Variants in KLHL13 observed in about 807,000 individuals in gnomAD.
The protein encoded by KLHL13 is kelch-like protein 13.
A neutral mutation model predicts 37.1 loss-of-function variants in KLHL13; 10 were observed. The observed-to-expected ratio is 0.27, with a 90% CI of 0.17 to 0.46. KLHL13 has a LOEUF of 0.46. Among genes scored for constraint, KLHL13 ranks in the 20% least tolerant of loss-of-function variants. The pLI is 1.00. For missense variants in KLHL13, 360 were observed against 509.3 expected, an observed-to-expected ratio of 0.71 and a Z score of 2.82; for synonymous variants, 163 against 181.2, an observed-to-expected ratio of 0.90 and a Z score of 0.81.
chrX:117,911,300 C>T (rs6645987), intron 4 of KLHL13, among the ~76,000 whole-genome samples: 18,381 of 111,202 alleles, frequency 0.17, 2,075 homozygotes, highest in African/African-American at 0.41. Context: ...AAAACTGAAA[C>T]AAAGCTAAAA....
At chrX:118,018,428 T>C (rs939294343) in intron 1 of KLHL13, among the ~76,000 whole-genome samples, 4 of 111,760 alleles carry the variant, frequency 3.6e-5, no homozygotes, top group Non-Finnish European at 7.5e-5. Flanking sequence ...CAAATATAGA[T>C]TTTTTACTAG....
intron 1 of KLHL13, among the ~76,000 whole-genome samples, chrX:118,097,915 T>C (rs1405092831): frequency 9.0e-6 from 1 of 111,604 alleles, no homozygotes; most frequent in Non-Finnish European, 1.9e-5. Flanking sequence ...TTACACCTTA[T>C]ACAAAAATTA....
At chrX:117,907,600 T>A (rs1930635611) in intron 5 of KLHL13, among the ~76,000 whole-genome samples, 1 of 111,702 alleles carries the variant, frequency 9.0e-6, no homozygotes, top group Non-Finnish European at 1.9e-5. Context: ...AATAGTATAA[T>A]AACATGAAAA....
At chrX:118,076,081 A>G (rs1381114073) in intron 1 of KLHL13, among the ~76,000 whole-genome samples, 2 of 111,766 alleles carry the variant, frequency 1.8e-5, no homozygotes, top group Non-Finnish European at 3.8e-5. Context: ...TAGAAATTTC[A>G]GCATTAGTGA....
intron 1 of KLHL13, among the ~76,000 whole-genome samples, chrX:118,057,954 CCAAA>C (rs752164170): frequency 2.7e-5 from 3 of 111,474 alleles, no homozygotes; most frequent in Non-Finnish European, 3.8e-5. Flanking sequence ...TCCTTTAGGC[CCAAA>C]CAGTCATCTT....
At chrX:118,032,883 G>C (rs935102413) in intron 1 of KLHL13, among the ~76,000 whole-genome samples, 4 of 111,503 alleles carry the variant, frequency 3.6e-5, no homozygotes, top group Non-Finnish European at 5.6e-5. Context: ...AACCAATATA[G>C]AGAAGTGCTT....
chrX:117,980,098 A>G (rs1305614917), intron 1 of KLHL13, among the ~76,000 whole-genome samples: 2 of 112,039 alleles, frequency 1.8e-5, no homozygotes, highest in Admixed American at 1.9e-4. Flanking sequence ...TTTTGGTAGC[A>G]TCAAATATAG....
At chrX:118,109,869 C>A (rs1447937261) in intron 1 of KLHL13, among the ~76,000 whole-genome samples, 1 of 111,142 alleles carries the variant, frequency 9.0e-6, no homozygotes, top group Admixed American at 9.6e-5. Flanking sequence ...GGCAACCCCA[C>A]AAAACCGAAG....
rs945166697 is a variant in KLHL13, at chrX:117,995,576, G to A, written c.-55-50001C>T. On this transcript the variant is annotated intron_variant, in intron 1 of 6. Transcript: ENST00000371882. ...GCATTCAGTGCATTCAGAATGTTGC[G>A]CAACCACCCCCTTCTATCTTGTTGT... 8.1e-5 allele frequency among the ~76,000 whole-genome samples: 9 copies of A among 111,183 alleles called. No homozygotes were observed. The South Asian group carries it at 1.2e-3, about 14-fold the overall frequency.
At chrX:118,073,830 G>A (rs1333566315) in intron 1 of KLHL13, among the ~76,000 whole-genome samples, 1 of 111,284 alleles carries the variant, frequency 9.0e-6, no homozygotes, top group Non-Finnish European at 1.9e-5. Flanking sequence ...ACTGTCATGT[G>A]AGCCTGCCTC....
At chrX:118,033,714 T>C (rs1184818661) in intron 1 of KLHL13, among the ~76,000 whole-genome samples, 1 of 108,619 alleles carries the variant, frequency 9.2e-6, no homozygotes, top group Non-Finnish European at 1.9e-5. Context: ...AACATCATAA[T>C]GACAGGATCA....
intron 4 of KLHL13, among the ~76,000 whole-genome samples, chrX:117,917,177 T>C (rs1271136116): frequency 1.8e-5 from 2 of 111,712 alleles, no homozygotes; most frequent in African/African-American, 3.3e-5. Flanking sequence ...AAAATTACAA[T>C]GGATTCTGAG....
At position 118,069,436 on chromosome X, in the gene KLHL13, A is replaced by C. The variant is rs1417272312; in HGVS notation, c.-56+47072T>G. On this transcript the variant is annotated intron_variant, in intron 1 of 6. Coordinates refer to the KLHL13 transcript ENST00000371882. ...TTTAAAATGTAAAAAAAAAAAAAAA[A>C]AAAACAATTTTAAAAATAGAAAAAG... Among the ~76,000 whole-genome samples the C allele has an allele frequency of 2.4e-4, 26 of 108,932 alleles. No individual in the cohort carries two copies. The East Asian group carries it at 6.8e-3, about 28-fold the overall frequency. The allele number at this position is 108,932 out of a possible 115,157, so 94.6% of individuals were successfully genotyped here. A position where few individuals can be genotyped will look rare whatever the true frequency, so the allele number is the denominator to read the frequency against.
At chrX:118,050,588 T>TTCTA (rs1569303194) in intron 1 of KLHL13, among the ~76,000 whole-genome samples, 1 of 109,687 alleles carries the variant, frequency 9.1e-6, no homozygotes, top group East Asian at 2.8e-4. Flanking sequence ...CTTTCTTTCC[T>TTCTA]TCTCTCTCTC....
chrX:118,010,067 A>G (rs367563797), intron 1 of KLHL13, among the ~76,000 whole-genome samples: 1 of 108,087 alleles, frequency 9.3e-6, no homozygotes, highest in African/African-American at 3.4e-5. Flanking sequence ...TTAGAATGGT[A>G]ATCATTAAAA....
intron 1 of KLHL13, among the ~76,000 whole-genome samples, chrX:118,054,940 A>G (rs1426295912): frequency 1.1e-5 from 1 of 90,034 alleles, no homozygotes. Context: ...AACTCTTTTT[A>G]GTAAGTGATT....
intron 2 of KLHL13, among the ~76,000 whole-genome samples, 172 bp from the exon 4 acceptor site, chrX:117,920,542 G>A (rs1203916008): frequency 8.9e-6 from 1 of 112,402 alleles, no homozygotes; most frequent in Non-Finnish European, 1.9e-5. Context: ...ATGTGACAAT[G>A]CATGTTTTCT....
chrX:118,046,618 T>C (rs1365887054), intron 1 of KLHL13, among the ~76,000 whole-genome samples: 1 of 112,052 alleles, frequency 8.9e-6, no homozygotes, highest in Non-Finnish European at 1.9e-5. Context: ...TGTGCTTATT[T>C]CCAATTACAT....
intron 1 of KLHL13, among the ~76,000 whole-genome samples, chrX:117,998,463 A>G (rs907311189): frequency 2.7e-5 from 3 of 110,918 alleles, no homozygotes; most frequent in African/African-American, 9.8e-5. Context: ...TTGGCTAGTA[A>G]TAAGTAAAGA....
Sources: gnomAD v4.1 joint callset for allele counts (sites outside exome capture counted in the v4.1 genomes callset) on GRCh38, gnomAD v4.1.1 for gene constraint, MANE v1.5 for transcripts, NCBI Gene and HGNC (gene_info 2026-07-23, HGNC 2026-07-21) for gene names.